ROBO1: variants seen among roughly 807,000 people sequenced by gnomAD.
The protein encoded by ROBO1 is roundabout guidance receptor 1, also known as roundabout homolog 1.
A neutral mutation model predicts 195.9 loss-of-function variants in ROBO1; 149 were observed. That is an observed-to-expected ratio of 0.76 (90% CI 0.67 to 0.87). ROBO1 has a LOEUF of 0.87. ROBO1 is among the 40% of genes least tolerant of loss of function. The pLI, the probability that ROBO1 is intolerant of heterozygous loss-of-function variation, is 0.00. For synonymous variants in ROBO1, 816 were observed against 733.2 expected, an observed-to-expected ratio of 1.11 and a Z score of -1.82; for missense variants, 1,933 against 2,068.3, an observed-to-expected ratio of 0.93 and a Z score of 1.27.
At chr3:78,682,639 AT>A (rs1027341727) in intron 10 of ROBO1, among the ~76,000 whole-genome samples, 5 of 147,680 alleles carry the variant, frequency 3.4e-5, no homozygotes, top group African/African-American at 9.8e-5. Flanking sequence ...TATAATAAAT[AT>A]TTTTTAATGT....
At chr3:78,756,689 T>C (rs899824421) in intron 4 of ROBO1, among the ~76,000 whole-genome samples, 15 of 152,134 alleles carry the variant, frequency 9.9e-5, no homozygotes, top group African/African-American at 3.6e-4. Context: ...TAGCATGCTT[T>C]GTTTAATTGA....
chr3:79,501,756 A>G (rs1575925679), intron 2 of ROBO1, among the ~76,000 whole-genome samples: 1 of 152,198 alleles, frequency 6.6e-6, no homozygotes, highest in Non-Finnish European at 1.5e-5. Flanking sequence ...CTTTTTTTAA[A>G]AAAACAAATC....
chr3:78,836,367 C>A (rs991046530), intron 4 of ROBO1, among the ~76,000 whole-genome samples: 2 of 151,634 alleles, frequency 1.3e-5, no homozygotes, highest in African/African-American at 4.8e-5. Flanking sequence ...AAAACATTAG[C>A]GGGGTGTGGT....
intron 8 of ROBO1, among the ~76,000 whole-genome samples, chr3:78,712,017 CAAAAAAA>C (rs56267632): frequency 2.6e-5 from 2 of 76,460 alleles, no homozygotes; most frequent in African/African-American, 5.4e-5. Flanking sequence ...AAGACCTTGG[CAAAAAAA>C]AAAAAAAAAA....
intron 4 of ROBO1, among the ~76,000 whole-genome samples, chr3:78,901,831 A>G (rs1441867820): frequency 6.6e-6 from 1 of 152,194 alleles, no homozygotes; most frequent in African/African-American, 2.4e-5. Flanking sequence ...CCATCTTTCC[A>G]TTAGAGTGGC....
At chr3:79,533,614 A>G (rs140307888) in intron 2 of ROBO1, among the ~76,000 whole-genome samples, 16 of 152,278 alleles carry the variant, frequency 1.1e-4, no homozygotes, top group African/African-American at 3.8e-4. Context: ...CTGCCCTTTA[A>G]GTGCATAAAA....
At chr3:78,840,108 C>T (rs1265850723) in intron 4 of ROBO1, among the ~76,000 whole-genome samples, 2 of 152,284 alleles carry the variant, frequency 1.3e-5, no homozygotes, top group South Asian at 2.1e-4. Flanking sequence ...TTTTGGCTGT[C>T]TTAATGATCA....
intron 3 of ROBO1, chr3:79,018,701 G>C: frequency 2.2e-6 from 3 of 1,345,612 alleles, no homozygotes; most frequent in Non-Finnish European, 1.9e-6. Context: ...GATTTCCGAG[G>C]AGGCTCAGAC....
intron 1 of ROBO1, among the ~76,000 whole-genome samples, chr3:79,738,186 C>G (rs1703469122): frequency 6.6e-6 from 1 of 152,128 alleles, no homozygotes; most frequent in African/African-American, 2.4e-5. Flanking sequence ...CAGCAGTGTA[C>G]TCTTTCACAG....
At chr3:79,070,523 G>T (rs1170967193) in intron 3 of ROBO1, among the ~76,000 whole-genome samples, 1 of 151,788 alleles carries the variant, frequency 6.6e-6, no homozygotes. Flanking sequence ...AACGTTTTCT[G>T]ATATGTATTC....
chr3:78,989,748 C>T (rs2077192517), intron 3 of ROBO1, among the ~76,000 whole-genome samples: 1 of 152,218 alleles, frequency 6.6e-6, no homozygotes, highest in East Asian at 1.9e-4. Flanking sequence ...CATTTTCCTT[C>T]TGTTGTATAA....
chr3:78,838,543 G>C (rs2032929955), intron 4 of ROBO1, among the ~76,000 whole-genome samples: 1 of 152,182 alleles, frequency 6.6e-6, no homozygotes, highest in African/African-American at 2.4e-5. Flanking sequence ...AAGCAAAGTG[G>C]AGTGTCATGT....
chr3:79,470,342 T>C lies in ROBO1; in HGVS notation c.88+119482A>G, dbSNP rs997724704. On this transcript the variant is annotated intron_variant, in intron 2 of 30. Transcript: ENST00000464233. ...ACCAAACACCACATGTTCTCACTCA[T>C]AGGTGGGAATTGAACAATGAGAACA... Among the ~76,000 whole-genome samples, 5 of 152,152 alleles carry C rather than the reference T, an allele frequency of 3.3e-5. No individual in the cohort carries two copies. In the South Asian group the frequency reaches 6.2e-4, roughly 19 times the overall value.
chr3:79,152,949 A>C (rs1356971996), intron 2 of ROBO1, among the ~76,000 whole-genome samples: 1 of 151,812 alleles, frequency 6.6e-6, no homozygotes, highest in Non-Finnish European at 1.5e-5. Flanking sequence ...TTAAAACAAA[A>C]ACAATAGCCC....
intron 3 of ROBO1, among the ~76,000 whole-genome samples, chr3:79,021,159 C>T (rs2078092928): frequency 6.6e-6 from 1 of 152,134 alleles, no homozygotes; most frequent in Non-Finnish European, 1.5e-5. Context: ...TTCAAAGACT[C>T]CAACCAAAAT....
At chr3:78,852,892 C>A (rs367985464) in intron 4 of ROBO1, among the ~76,000 whole-genome samples, 118 of 152,122 alleles carry the variant, frequency 7.8e-4, no homozygotes, top group Middle Eastern at 6.8e-3. Flanking sequence ...AGCTATTTGG[C>A]CAACAGATAC....
intron 8 of ROBO1, among the ~76,000 whole-genome samples, chr3:78,694,931 G>A (rs2081252591): frequency 6.6e-6 from 1 of 151,838 alleles, no homozygotes; most frequent in Non-Finnish European, 1.5e-5. Flanking sequence ...ATATTTTCAC[G>A]TATTTTCAGT....
chr3:79,386,206 A>G (rs1027051407), intron 2 of ROBO1, among the ~76,000 whole-genome samples: 3 of 152,152 alleles, frequency 2.0e-5, no homozygotes, highest in Admixed American at 2.0e-4. Context: ...AAAACAAAAA[A>G]TGGAAAACAA....
intron 10 of ROBO1, among the ~76,000 whole-genome samples, chr3:78,672,406 C>T (rs1708116121): frequency 6.6e-6 from 1 of 151,630 alleles, no homozygotes; most frequent in African/African-American, 2.4e-5. Context: ...TGGCAAAACC[C>T]CATCTCCACA....
Sources: gnomAD v4.1 joint callset for allele counts (sites outside exome capture counted in the v4.1 genomes callset) on GRCh38, gnomAD v4.1.1 for gene constraint, MANE v1.5 for transcripts, NCBI Gene and HGNC (gene_info 2026-07-23, HGNC 2026-07-21) for gene names.